Variants in CDH4 observed in about 807,000 individuals in gnomAD.
CDH4 encodes the protein cadherin 4.
A neutral mutation model predicts 86.0 loss-of-function variants in CDH4; 33 were observed. That is an observed-to-expected ratio of 0.38 (90% CI 0.29 to 0.51). The LOEUF is 0.51. Ranked by LOEUF, CDH4 falls within the 20% of genes least tolerant of loss-of-function variation. The pLI is 0.86. For synonymous variants in CDH4, 555 were observed against 549.4 expected, an observed-to-expected ratio of 1.01 and a Z score of -0.14; for missense variants, 1,114 against 1,307.4, an observed-to-expected ratio of 0.85 and a Z score of 2.28.
chr20:61,733,776 G>T (rs928405752), intron 2 of CDH4, among the ~76,000 whole-genome samples: 1 of 152,244 alleles, frequency 6.6e-6, no homozygotes, highest in South Asian at 2.1e-4. Flanking sequence ...TGAACCTGAG[G>T]GTTTGAAACT....
intron 2 of CDH4, among the ~76,000 whole-genome samples, chr20:61,344,794 C>G (rs12624814): frequency 0.21 from 31,707 of 152,124 alleles, 3,426 homozygotes; most frequent in African/African-American, 0.27. Context: ...AGCTCATAGA[C>G]AATGGCTCAA....
chr20:61,755,256 C>A (rs2088547596), intron 3 of CDH4, among the ~76,000 whole-genome samples: 1 of 150,454 alleles, frequency 6.6e-6, no homozygotes. Flanking sequence ...GGGACACAGC[C>A]AAACCATATC....
intron 4 of CDH4, among the ~76,000 whole-genome samples, chr20:61,791,762 G>C (rs1979214067): frequency 6.6e-6 from 1 of 152,230 alleles, no homozygotes; most frequent in African/African-American, 2.4e-5. Context: ...GCTGAACTGG[G>C]CCTGCATGGC....
At chr20:61,720,119 C>T (rs1044475198) in intron 2 of CDH4, among the ~76,000 whole-genome samples, 17 of 152,030 alleles carry the variant, frequency 1.1e-4, no homozygotes, top group African/African-American at 3.4e-4. Flanking sequence ...TTGGCAGCAT[C>T]GCCCGTGTGT....
chr20:61,427,187 C>T (rs764858178), intron 2 of CDH4, among the ~76,000 whole-genome samples: 2 of 152,240 alleles, frequency 1.3e-5, no homozygotes, highest in Non-Finnish European at 2.9e-5. Flanking sequence ...CCCTTCCTCA[C>T]GGTTCCACAT....
At chr20:61,755,368 CCA>C (rs35461836) in intron 3 of CDH4, among the ~76,000 whole-genome samples, 14,109 of 144,084 alleles carry the variant, frequency 0.098, 830 homozygotes, top group African/African-American at 0.17. Context: ...GCCACACACA[CCA>C]CACACACACA....
At chr20:61,583,206 C>CTCTGCGGAGGGACAGACGGT (rs1568697165) in intron 2 of CDH4, among the ~76,000 whole-genome samples, 9 of 42,362 alleles carry the variant, frequency 2.1e-4, no homozygotes, top group Admixed American at 2.9e-4. Context: ...GGACAGAGGG[C>CTCTGCGGAGGGACAGACGGT]TCTGCGGGGG....
chr20:61,368,249 T>A (rs1364167634), intron 2 of CDH4, among the ~76,000 whole-genome samples: 2 of 152,228 alleles, frequency 1.3e-5, no homozygotes, highest in Non-Finnish European at 2.9e-5. Context: ...CTCCTTGCTG[T>A]GCTCTGAGTG....
At chr20:61,254,618 A>G (rs994572049) in intron 1 of CDH4, among the ~76,000 whole-genome samples, 5 of 152,094 alleles carry the variant, frequency 3.3e-5, no homozygotes, top group African/African-American at 9.7e-5. Context: ...CTGGGGAAGG[A>G]TGCTCCTGGT....
At chr20:61,891,428 C>T (rs1164997039) in intron 7 of CDH4, among the ~76,000 whole-genome samples, 3 of 152,194 alleles carry the variant, frequency 2.0e-5, no homozygotes, top group African/African-American at 4.8e-5. Flanking sequence ...CCTGAGCCGC[C>T]CACTCTCCCC....
rs555789207 is a variant in CDH4 at position 61,852,472 on chromosome 20, G to A, written c.733-282G>A. ...GCTCACGGAACAGTCGGGCAGGCAT[G>A]GGAGGTCCTGGGTGGGCCTGGGCCT... is the stretch of plus-strand genomic sequence containing the variant. On this transcript the variant is annotated intron_variant, in intron 5 of 15. Coordinates refer to ENST00000614565, the MANE Select transcript of CDH4 (RefSeq NM_001794.5). Among the ~76,000 whole-genome samples the A allele has an allele frequency of 1.4e-4, 21 of 152,372 alleles. 1 individual carries two copies. The highest frequency in any genetic ancestry group is 1.0e-3 in the Admixed American group (16 of 15,312).
chr20:61,548,635 G>A (rs2086105960), intron 2 of CDH4, among the ~76,000 whole-genome samples: 1 of 152,156 alleles, frequency 6.6e-6, no homozygotes, highest in African/African-American at 2.4e-5. Context: ...TCAGGGTGTA[G>A]CAACTAAATT....
intron 8 of CDH4, among the ~76,000 whole-genome samples, chr20:61,903,076 T>C (rs1164801773): frequency 1.4e-5 from 2 of 147,044 alleles, no homozygotes; most frequent in Non-Finnish European, 3.0e-5. Context: ...AAAAACTAAA[T>C]ATCTTAGGAA....
At chr20:61,796,034 G>A (rs1411042426) in intron 4 of CDH4, among the ~76,000 whole-genome samples, 1 of 152,024 alleles carries the variant, frequency 6.6e-6, no homozygotes, top group African/African-American at 2.4e-5. Flanking sequence ...CTGGACCCTG[G>A]TGGAAGGCAA....
chr20:61,329,477 T>TGTGCTGCGGTGGATTGCGGCATGCGTG (rs1555837324), intron 2 of CDH4, among the ~76,000 whole-genome samples: 27 of 152,160 alleles, frequency 1.8e-4, no homozygotes, highest in African/African-American at 3.4e-4. Context: ...GAGGTGGCTG[T>TGTGCTGCGGTGGATTGCGGCATGCGTG]GAGTGGCTCT....
chr20:61,925,967 G>T (rs1027916738), intron 11 of CDH4, among the ~76,000 whole-genome samples: 1 of 152,204 alleles, frequency 6.6e-6, no homozygotes, highest in Admixed American at 6.5e-5. Context: ...TGCAAGGGGC[G>T]CTGGGAAATG....
At chr20:61,324,692 G>A (rs1362778105) in intron 2 of CDH4, among the ~76,000 whole-genome samples, 1 of 152,188 alleles carries the variant, frequency 6.6e-6, no homozygotes, top group Non-Finnish European at 1.5e-5. Context: ...TGTGACTTTT[G>A]CAAGCATGCT....
At position 61,327,693 on chromosome 20, in the gene CDH4, G is replaced by A. The variant is rs543336675; in HGVS notation, c.169+72756G>A. 2.6e-5 allele frequency among the ~76,000 whole-genome samples: 4 copies of A among 152,272 alleles called. No individual in the cohort carries two copies. The South Asian group carries it at 8.3e-4, about 32-fold the overall frequency. The stretch of plus-strand genomic sequence containing the variant: ...GTCCTTTGACAGCATCCACCAAGAT[G>A]TAACATGGACACACCCTTTGACCCA... On this transcript the variant is annotated intron_variant, in intron 2 of 15. Transcript: ENST00000614565.
intron 2 of CDH4, among the ~76,000 whole-genome samples, chr20:61,255,659 G>C (rs1229586353): frequency 1.3e-5 from 2 of 152,234 alleles, no homozygotes; most frequent in African/African-American, 2.4e-5. Context: ...ATTTCAAAGC[G>C]ATAGAGGAAG....
Sources: gnomAD v4.1 joint callset for allele counts (sites outside exome capture counted in the v4.1 genomes callset) on GRCh38, gnomAD v4.1.1 for gene constraint, MANE v1.5 for transcripts, NCBI Gene and HGNC (gene_info 2026-07-23, HGNC 2026-07-21) for gene names.